Variants in B4GALT6 observed in about 807,000 individuals in gnomAD.
B4GALT6 encodes beta-1,4-galactosyltransferase 6, also known as UDP-Gal:beta-GlcNAc beta-1,4-galactosyltransferase 6.
B4GALT6 carries 14 observed loss-of-function variants against 46.3 expected under a neutral mutation model. The ratio of observed to expected loss-of-function variants is 0.30; its 90% CI spans 0.20 to 0.47. The LOEUF is 0.47. Among genes scored for constraint, B4GALT6 ranks in the 20% least tolerant of loss-of-function variants. B4GALT6 has a pLI of 0.99. For synonymous variants in B4GALT6, 168 were observed against 162.0 expected (o/e 1.04, Z -0.28); for missense variants, 386 against 480.1 (o/e 0.80, Z 1.83).
In B4GALT6 at chr18:31,658,057, G is replaced by C; in HGVS notation, c.265C>G (p.Leu89Val). ...YPEGNNSSDYLVQTTTYLPEN... is the reference protein window; with the variant it reads ...YPEGNNSSDYVVQTTTYLPEN... ...GGGAGATACGTTGTTGTTTGAACAA[G>C]ATAATCACTTGAATTATTGCCTTCG... The change falls in exon 3 of 9, where the codon CTT (leucine) becomes GTT (valine). Residue 89 changes from leucine (L) to valine (V), a missense_variant. Around this residue, in one of 2 missense-constraint regions of B4GALT6, gnomAD observed 323 missense variants for 438.9 expected, o/e 0.74. Coordinates refer to ENST00000306851, the MANE Select transcript of B4GALT6 (RefSeq NM_004775.5). 1.2e-6 allele frequency: 2 copies of C among 1,605,982 alleles called. No homozygotes were observed. The highest frequency in any genetic ancestry group is 2.2e-5 in the East Asian group (1 of 44,628).
At chr18:31,640,883 T>G (rs2073922072) in intron 4 of B4GALT6, among the ~76,000 whole-genome samples, 1 of 152,214 alleles carries the variant, frequency 6.6e-6, no homozygotes, top group Non-Finnish European at 1.5e-5. Context: ...GGGTTTACTT[T>G]TAGGATGGAA....
chr18:31,642,877 G>T (rs114281962), intron 4 of B4GALT6, among the ~76,000 whole-genome samples: 15,778 of 152,076 alleles, frequency 0.1, 880 homozygotes, highest in African/African-American at 0.14. Flanking sequence ...TAGAGACGGG[G>T]TCTCAACAGG....
intron 5 of B4GALT6, among the ~76,000 whole-genome samples, chr18:31,637,645 T>C (rs978094433): frequency 1.3e-5 from 2 of 152,196 alleles, no homozygotes; most frequent in African/African-American, 2.4e-5. Context: ...TTTTCAGGGA[T>C]AGCCAGCAAC....
chr18:31,627,043 A>T lies in B4GALT6; in HGVS notation c.855T>A (p.Asn285Lys), dbSNP rs549667383. Residue 285 changes from asparagine to lysine, a missense_variant, in exon 7 of 9, where the codon AAT (asparagine) becomes AAA (lysine). By Grantham distance (94) the Asn-to-Lys change is moderately conservative. Transcript: ENST00000306851. ...EQFRKINGFPNAFWGWGGEDD... is the reference protein window; with the variant it reads ...EQFRKINGFPKAFWGWGGEDD... Reference sequence around the variant, plus strand: ...CTTCTCCTCCCCATCCCCAGAAGGCATTAGGAAAACCATTGATCTTTCTAA... The same window carrying T: ...CTTCTCCTCCCCATCCCCAGAAGGCTTTAGGAAAACCATTGATCTTTCTAA... 6.2e-7 allele frequency: 1 copy of T among 1,612,038 alleles called. No individual in the cohort carries two copies. Among genetic ancestry groups the T allele is most frequent in the African/African-American group, 1.3e-5 (1 of 74,988 alleles).
upstream of B4GALT6, chr18:31,686,108 C>G (rs2029911854): frequency 6.6e-6 from 1 of 152,284 alleles, no homozygotes; most frequent in Non-Finnish European, 1.5e-5. Context: ...AGCTGACTGT[C>G]CAGGTCCTTA....
chr18:31,629,744 G>C (rs2073756441), intron 6 of B4GALT6, among the ~76,000 whole-genome samples: 1 of 150,182 alleles, frequency 6.7e-6, no homozygotes, highest in African/African-American at 2.4e-5. Flanking sequence ...CAGCTACTCG[G>C]GAAGCTGAGG....
the B4GALT6 span, among the ~76,000 whole-genome samples, chr18:31,712,595 C>T: frequency 6.6e-5 from 10 of 152,260 alleles, 1 homozygote; most frequent in South Asian, 1.9e-3. Flanking sequence ...GGATTACAGG[C>T]GTGAGCCACC....
At chr18:31,637,263 T>C (rs2073871190) in intron 5 of B4GALT6, among the ~76,000 whole-genome samples, 3 of 90,732 alleles carry the variant, frequency 3.3e-5, no homozygotes, top group African/African-American at 1.3e-4. Context: ...ACAAAACGAA[T>C]AAGCTTTTTT....
Position 31,645,439 on chromosome 18 carries a change from A to AT in B4GALT6, c.386dup (p.Asp129GlufsTer2). 6.2e-7 allele frequency: 1 copy of AT among 1,613,668 alleles called. No individual in the cohort carries two copies. Among genetic ancestry groups the AT allele is most frequent in the Non-Finnish European group, 8.5e-7 (1 of 1,179,870 alleles). Reference sequence around the variant, plus strand: ...CCTTGGAGAAGAGTTGATGAATTTCATCAAAACTGACTTCGCTTACATTGA... The same window carrying AT: ...CCTTGGAGAAGAGTTGATGAATTTCATTCAAAACTGACTTCGCTTACATTGA... On this transcript the variant is annotated frameshift_variant, in exon 4 of 9. Transcript: ENST00000306851. LOFTEE classifies it high-confidence loss of function.
the B4GALT6 span, among the ~76,000 whole-genome samples, chr18:31,708,254 C>A: frequency 1.3e-5 from 2 of 152,184 alleles, no homozygotes; most frequent in African/African-American, 4.8e-5. Flanking sequence ...CATTTCATTT[C>A]TTTCTAATTT....
Position 31,666,264 on chromosome 18 carries a change from T to C in B4GALT6, c.224A>G (p.Asn75Ser), listed in dbSNP as rs2144685043. Residue 75 changes from asparagine (N) to serine (S), a missense_variant, in exon 2 of 9, where the codon AAC becomes AGC. Coordinates refer to ENST00000306851, the MANE Select transcript of B4GALT6 (RefSeq NM_004775.5). ...RLYTNKNSTL[N>S]GTDYPEGNNS... ...GCAGGAAGTAGTCTTACCTGTACCGTTGAGCGTACTGTTTTTATTTGTGTA... is the reference window on the plus strand; with the variant it reads ...GCAGGAAGTAGTCTTACCTGTACCGCTGAGCGTACTGTTTTTATTTGTGTA... 3.8e-6 allele frequency: 6 copies of C among 1,587,112 alleles called. No homozygotes were observed. Among genetic ancestry groups the C allele is most frequent in the East Asian group, 2.3e-5 (1 of 44,362 alleles).
chr18:31,717,203 A>C, the B4GALT6 span, among the ~76,000 whole-genome samples: 1 of 152,364 alleles, frequency 6.6e-6, no homozygotes, highest in Admixed American at 6.5e-5. Context: ...AGAATGGATA[A>C]ATTATGATAT....
At chr18:31,685,401 G>A (rs1260938163), upstream of B4GALT6, among the ~76,000 whole-genome samples, 2 of 151,574 alleles carry the variant, frequency 1.3e-5, no homozygotes, top group African/African-American at 4.8e-5. Flanking sequence ...GGGGAGCCGC[G>A]GAGGAAAACC....
At chr18:31,708,578 A>AT in the B4GALT6 span, among the ~76,000 whole-genome samples, 2 of 152,078 alleles carry the variant, frequency 1.3e-5, no homozygotes, top group Admixed American at 6.5e-5. Context: ...AAAAATAAAA[A>AT]TAAAAATTAA....
chr18:31,631,524 A>G (rs1395243037), intron 5 of B4GALT6, among the ~76,000 whole-genome samples: 1 of 152,154 alleles, frequency 6.6e-6, no homozygotes, highest in Non-Finnish European at 1.5e-5. Flanking sequence ...AGAAGAAAAC[A>G]GTATCTAGTC....
At chr18:31,664,944 A>G (rs1598914297) in intron 2 of B4GALT6, among the ~76,000 whole-genome samples, 1 of 152,244 alleles carries the variant, frequency 6.6e-6, no homozygotes, top group Non-Finnish European at 1.5e-5. Flanking sequence ...AAATAAAACA[A>G]GAGTGTTTTG....
the B4GALT6 span, among the ~76,000 whole-genome samples, chr18:31,694,638 A>G: frequency 6.6e-6 from 1 of 152,234 alleles, no homozygotes; most frequent in African/African-American, 2.4e-5. Context: ...ATTTGCAGCA[A>G]CTGGCCATTA....
chr18:31,664,571 T>G (rs1224304249), intron 2 of B4GALT6, among the ~76,000 whole-genome samples: 1 of 151,774 alleles, frequency 6.6e-6, no homozygotes, highest in Non-Finnish European at 1.5e-5. Context: ...GGGGAAAGAT[T>G]GTCTTGCCCA....
intron 1 of B4GALT6, among the ~76,000 whole-genome samples, chr18:31,669,941 C>A (rs1337837859): frequency 6.6e-6 from 1 of 152,140 alleles, no homozygotes; most frequent in Non-Finnish European, 1.5e-5. Flanking sequence ...CCAGGACTGA[C>A]CCTGGCCTAA....
Sources: gnomAD v4.1 joint callset for allele counts (sites outside exome capture counted in the v4.1 genomes callset) on GRCh38, gnomAD v4.1.1 for gene constraint, gnomAD v4.1.1 regional missense constraint, MANE v1.5 for transcripts, NCBI Gene and HGNC (gene_info 2026-07-23, HGNC 2026-07-21) for gene names.